Variants in LRRFIP1 observed in about 807,000 individuals in gnomAD.
The protein encoded by LRRFIP1 is LRR binding FLII interacting protein 1, also known as leucine-rich repeat flightless-interacting protein 1.
Under a neutral mutation model 104.4 loss-of-function variants are expected in LRRFIP1, and 62 were observed. The ratio of observed to expected loss-of-function variants is 0.59; its 90% CI spans 0.48 to 0.73. The LOEUF (loss-of-function observed/expected upper bound fraction) is 0.73. Among genes scored for constraint, LRRFIP1 ranks in the 30% least tolerant of loss-of-function variants. The pLI is 0.00. For synonymous variants in LRRFIP1, 300 were observed against 299.0 expected (o/e 1.00, Z -0.03); for missense variants, 796 against 824.5 (o/e 0.97, Z 0.42).
chr2:237,758,915 T>C, intron 18 of LRRFIP1, 94 bp downstream of exon 18: 2 of 734,280 alleles, frequency 2.7e-6, no homozygotes, highest in South Asian at 3.5e-5. Flanking sequence ...TGTGTGTACA[T>C]AATTCATTTT....
chr2:237,748,378 A>G lies in LRRFIP1; in HGVS notation c.648A>G (p.Pro216=). 6.2e-7 allele frequency: 1 copy of G among 1,606,328 alleles called. No homozygotes were observed. Among genetic ancestry groups the G allele is most frequent in the East Asian group, 2.2e-5 (1 of 44,848 alleles). Residue 216 remains proline, a synonymous_variant, in exon 12 of 24, where the codon CCA becomes CCG. Coordinates refer to ENST00000308482, the MANE Select transcript of LRRFIP1 (RefSeq NM_001137550.2). ...ARASPVVEER[P]EKDFTEKGSR... ...TTCGTCTACAGGTAGAAGAGAGACC[A>G]GAAAAAGATTTTACTGAGAAGGTAA... is the stretch of plus-strand genomic sequence containing the variant.
chr2:237,698,055 T>C (rs868653639), intron 1 of LRRFIP1, among the ~76,000 whole-genome samples: 38 of 152,366 alleles, frequency 2.5e-4, no homozygotes, highest in Admixed American at 4.6e-4. Context: ...AATAGGTCAA[T>C]GTGTGAGTCA....
intron 19 of LRRFIP1, chr2:237,762,513 G>C (rs2059978733): frequency 5.0e-6 from 5 of 1,001,336 alleles, no homozygotes; most frequent in Non-Finnish European, 7.3e-6. Context: ...ATAGGGGTGG[G>C]TGGGATTTGG....
rs1032714548 is a variant in LRRFIP1, at chr2:237,683,211, C to A, written c.97-25333C>A. ...CCACCAACGGGGTGGAGACAAGGGG[C>A]GAGGGCTTCAGTGGAATCTCAGCAA... On this transcript the variant is annotated intron_variant, in intron 1 of 23. Transcript: ENST00000308482. Among the ~76,000 whole-genome samples the A allele has an allele frequency of 3.3e-5, 5 of 152,150 alleles. No homozygotes were observed. The South Asian group carries it at 1.0e-3, about 32-fold the overall frequency.
chr2:237,676,322 C>A (rs77785363), intron 1 of LRRFIP1, among the ~76,000 whole-genome samples: 4,092 of 152,230 alleles, frequency 0.027, 179 homozygotes, highest in African/African-American at 0.087. Flanking sequence ...CACCAGCCTG[C>A]CTTCTTTCGT....
Position 237,753,439 on chromosome 2 carries a change from A to G in LRRFIP1, c.998A>G (p.Gln333Arg), listed in dbSNP as rs142734858. 19 of 1,597,962 alleles carry G rather than the reference A, an allele frequency of 1.2e-5. No homozygotes were observed. The highest frequency in any genetic ancestry group is 1.5e-5 in the Non-Finnish European group (18 of 1,176,448). ...LKDMLLELEE[Q>R]LAESRRQYEE... ...GATATGTTGCTGGAGCTTGAAGAAC[A>G]GCTGGCTGAATCTAGGCGGCAGTAC... The change falls in exon 15 of 24, where the codon CAG becomes CGG. Residue 333 changes from glutamine to arginine, a missense_variant. Gln to Arg is a conservative substitution (Grantham distance 43). Coordinates refer to ENST00000308482, the MANE Select transcript of LRRFIP1 (RefSeq NM_001137550.2).
At chr2:237,755,542 GA>G (rs1431605605) in intron 15 of LRRFIP1, among the ~76,000 whole-genome samples, 1 of 152,242 alleles carries the variant, frequency 6.6e-6, no homozygotes, top group Non-Finnish European at 1.5e-5. Context: ...TAAGAAATCA[GA>G]AAATCCTTGT....
At chr2:237,729,062 A>G (rs7567251) in intron 8 of LRRFIP1, among the ~76,000 whole-genome samples, 19,285 of 152,180 alleles carry the variant, frequency 0.13, 2,798 homozygotes, top group African/African-American at 0.36. Flanking sequence ...AGCTTGGATT[A>G]CAGGCATCCA....
At chr2:237,664,802 A>T (rs2088865252) in intron 1 of LRRFIP1, among the ~76,000 whole-genome samples, 1 of 152,132 alleles carries the variant, frequency 6.6e-6, no homozygotes, top group Non-Finnish European at 1.5e-5. Context: ...CTCATCTTTG[A>T]TTGTTGCTAG....
chr2:237,727,766 GC>G, intron 7 of LRRFIP1, 109 bp from the exon 8 acceptor site: 1 of 750,290 alleles, frequency 1.3e-6, no homozygotes, highest in South Asian at 1.7e-5. Context: ...TCATTCATCC[GC>G]TCCACAAGAA....
At chr2:237,633,992 C>T (rs150663853) in intron 1 of LRRFIP1, among the ~76,000 whole-genome samples, 1,931 of 152,300 alleles carry the variant, frequency 0.013, 25 homozygotes, top group Non-Finnish European at 0.015. Context: ...CTTTTTCCAT[C>T]CTTTCATCTT....
intron 1 of LRRFIP1, among the ~76,000 whole-genome samples, chr2:237,640,198 G>A (rs1330052411): frequency 6.6e-6 from 1 of 152,158 alleles, no homozygotes; most frequent in Non-Finnish European, 1.5e-5. Flanking sequence ...AGCTGAGATG[G>A]GGCCATTTTA....
chr2:237,732,890 T>C (rs2150347364), intron 8 of LRRFIP1, among the ~76,000 whole-genome samples: 1 of 152,304 alleles, frequency 6.6e-6, no homozygotes, highest in South Asian at 2.1e-4. Flanking sequence ...CTGTTTCCTG[T>C]TTTTACAAGG....
At chr2:237,719,302 A>G (rs1303144909) in intron 4 of LRRFIP1, among the ~76,000 whole-genome samples, 4 of 152,384 alleles carry the variant, frequency 2.6e-5, no homozygotes, top group Admixed American at 2.0e-4. Context: ...AAAATGAAGT[A>G]TGCAAATTAT....
intron 23 of LRRFIP1, among the ~76,000 whole-genome samples, chr2:237,775,699 G>A (rs1216192409): frequency 6.6e-6 from 1 of 152,136 alleles, no homozygotes; most frequent in Non-Finnish European, 1.5e-5. Context: ...TTAGCCGGGT[G>A]CGGTGGCCCG....
intron 10 of LRRFIP1, among the ~76,000 whole-genome samples, chr2:237,736,493 C>T (rs889342541): frequency 3.3e-5 from 5 of 152,130 alleles, no homozygotes; most frequent in Non-Finnish European, 7.4e-5. Context: ...AGAGAAATTT[C>T]CCCCAAGCAC....
At chr2:237,682,518 G>A (rs2091948520) in intron 1 of LRRFIP1, among the ~76,000 whole-genome samples, 1 of 152,234 alleles carries the variant, frequency 6.6e-6, no homozygotes, top group Non-Finnish European at 1.5e-5. Flanking sequence ...GGGGTGCAGG[G>A]TTGTTTTCTC....
intron 7 of LRRFIP1, among the ~76,000 whole-genome samples, chr2:237,726,779 C>G (rs999571864): frequency 6.6e-6 from 1 of 152,094 alleles, no homozygotes; most frequent in African/African-American, 2.4e-5. Context: ...CTTGACAGCT[C>G]TATTTTGAAT....
At chr2:237,660,999 C>T (rs903101970) in intron 1 of LRRFIP1, among the ~76,000 whole-genome samples, 2 of 152,120 alleles carry the variant, frequency 1.3e-5, no homozygotes, top group African/African-American at 4.8e-5. Context: ...GTGAAAGAGG[C>T]GAGATTATTG....
Sources: gnomAD v4.1 joint callset for allele counts (sites outside exome capture counted in the v4.1 genomes callset) on GRCh38, gnomAD v4.1.1 for gene constraint, MANE v1.5 for transcripts, NCBI Gene and HGNC (gene_info 2026-07-23, HGNC 2026-07-21) for gene names.